SLC9B1: variants seen among roughly 807,000 people sequenced by gnomAD.
SLC9B1 encodes sodium/hydrogen exchanger 9B1.
A neutral mutation model predicts 51.7 loss-of-function variants in SLC9B1; 32 were observed. The ratio of observed to expected loss-of-function variants is 0.62; its 90% CI spans 0.47 to 0.83. The LOEUF is 0.83. Ranked by LOEUF, SLC9B1 falls within the 40% of genes least tolerant of loss-of-function variation. SLC9B1 has a pLI of 0.00. For synonymous variants in SLC9B1, 145 were observed against 212.7 expected, an observed-to-expected ratio of 0.68 and a Z score of 2.77; for missense variants, 406 against 613.2, an observed-to-expected ratio of 0.66 and a Z score of 3.57.
chr4:102,934,942 A>G (rs1159408514), intron 6 of SLC9B1, among the ~76,000 whole-genome samples: 2 of 152,204 alleles, frequency 1.3e-5, no homozygotes, highest in African/African-American at 4.8e-5. Context: ...CTACTTCAAA[A>G]GCAATTCTGC....
At position 102,948,628 on chromosome 4, in the gene SLC9B1, C is replaced by T. The variant is rs142803285; in HGVS notation, c.382+629G>A. The stretch of plus-strand genomic sequence containing the variant: ...TACATATACACCATGGAATGCTATG[C>T]ATTCATAAAAAAGAATGACATCATG... On this transcript the variant is annotated intron_variant, in intron 4 of 11. Transcript: ENST00000296422. Among the ~76,000 whole-genome samples, 405 of 152,192 alleles carry T rather than the reference C, an allele frequency of 2.7e-3. 2 individuals carry two copies. The highest frequency in any genetic ancestry group is 3.9e-3 in the Non-Finnish European group (266 of 68,010).
At chr4:102,945,061 G>T in intron 6 of SLC9B1, 132 bp downstream of exon 6, 1 of 1,067,500 alleles carries the variant, frequency 9.4e-7, no homozygotes, top group Non-Finnish European at 1.3e-6. Context: ...TTAATCAACT[G>T]CTTTCCAAGG....
At chr4:102,923,535 T>C (rs1376872722) in intron 7 of SLC9B1, among the ~76,000 whole-genome samples, 3 of 152,216 alleles carry the variant, frequency 2.0e-5, no homozygotes, top group African/African-American at 7.2e-5. Context: ...TCACTCCTAT[T>C]CAACATAGTC....
At chr4:102,896,314 G>A (rs1465256172), downstream of SLC9B1, among the ~76,000 whole-genome samples, 1 of 152,040 alleles carries the variant, frequency 6.6e-6, no homozygotes, top group East Asian at 1.9e-4. Flanking sequence ...CAAACCTGAC[G>A]AGATCATCCA....
At chr4:102,925,411 TGGGGAGGGAGGGGATAGCATTA>T (rs1317407042) in intron 7 of SLC9B1, among the ~76,000 whole-genome samples, 2 of 151,660 alleles carry the variant, frequency 1.3e-5, no homozygotes, top group Non-Finnish European at 2.9e-5. Flanking sequence ...TCATGGAGTG[TGGGGAGGGAGGGGATAGCATTA>T]GGAGATATAT....
rs377275822 is a variant in SLC9B1 at position 102,946,655 on chromosome 4, C to G, written c.517G>C (p.Asp173His). Residue 173 changes from aspartate to histidine, a missense_variant, in exon 5 of 12, where the codon GAT (aspartate) becomes CAT (histidine). Transcript: ENST00000296422. Reference protein sequence around the residue: ...IILIRAGLGLDPQALRHLKVV... With the variant: ...IILIRAGLGLHPQALRHLKVV... ...TGTAATTGTAAATCTACCTGTGGAT[C>G]GAGTCCAAGCCCAGCTCTTATTAGA... 2.0e-5 allele frequency: 32 copies of G among 1,604,804 alleles called. 1 individual carries two copies. In the South Asian group the frequency reaches 2.3e-4, roughly 11 times the overall value.
chr4:102,891,755 CTAAA>C (rs1353551544), intron 11 of SLC9B1: 1 of 152,082 alleles, frequency 6.6e-6, no homozygotes, highest in African/African-American at 2.4e-5. Flanking sequence ...TTGAGGAAAA[CTAAA>C]TAAAGCAGTA....
rs199987719 is a variant in SLC9B1, at chr4:102,957,782, ATG to A, written c.212-8357_212-8356del. On this transcript the variant is annotated intron_variant, in intron 3 of 11. Transcript: ENST00000296422. ...AGATTGTATGTGTGTATGTGTGTAT[ATG>A]TGTGTGTGTGTGTGTGTGTGTATTC... Among the ~76,000 whole-genome samples the A allele has an allele frequency of 5.6e-3, 815 of 146,570 alleles. 3 individuals are homozygous for A. The highest frequency in any genetic ancestry group is 0.016 in the African/African-American group (632 of 39,968).
intron 3 of SLC9B1, among the ~76,000 whole-genome samples, chr4:102,988,972 C>G (rs181004880): frequency 1.3e-5 from 2 of 152,000 alleles, no homozygotes; most frequent in Non-Finnish European, 2.9e-5. Context: ...TAGACCAAGT[C>G]ATGGGAACAT....
At chr4:102,939,821 C>T (rs1736904172) in intron 6 of SLC9B1, among the ~76,000 whole-genome samples, 1 of 151,964 alleles carries the variant, frequency 6.6e-6, no homozygotes, top group Admixed American at 6.6e-5. Flanking sequence ...ATGATATAGA[C>T]CCTCAACAAA....
Position 102,991,683 on chromosome 4 carries a change from T to C in SLC9B1, c.29A>G (p.His10Arg), listed in dbSNP as rs1335370649. Residue 10 changes from histidine (H) to arginine (R), a missense_variant, in exon 2 of 12, where the codon CAT becomes CGT. This residue lies in a region of SLC9B1 where 108 missense variants were observed against 94.5 expected (regional missense o/e 1.14). Coordinates refer to ENST00000296422, the MANE Select transcript of SLC9B1 (RefSeq NM_139173.4). MHTTESKNE[H>R]LEDENFQTST... Reference sequence around the variant, plus strand: ...TGTTTGGAAGTTTTCATCCTCCAAATGTTCATTTTTTGATTCTGTGGTATG... The same window carrying C: ...TGTTTGGAAGTTTTCATCCTCCAAACGTTCATTTTTTGATTCTGTGGTATG... The C allele has an allele frequency of 6.3e-7, 1 of 1,589,542 alleles. No homozygotes were observed. Among genetic ancestry groups the C allele is most frequent in the Middle Eastern group, 1.8e-4 (1 of 5,480 alleles).
chr4:102,930,316 A>T (rs1736385922), intron 7 of SLC9B1, among the ~76,000 whole-genome samples: 1 of 152,214 alleles, frequency 6.6e-6, no homozygotes. Flanking sequence ...ACACTCATAA[A>T]TGTAGATATC....
At chr4:102,894,080 A>C (rs1734415771) in intron 11 of SLC9B1, among the ~76,000 whole-genome samples, 1 of 152,222 alleles carries the variant, frequency 6.6e-6, no homozygotes, top group East Asian at 1.9e-4. Flanking sequence ...AAGTATATTA[A>C]CACAATTACA....
rs552264448 is a variant in SLC9B1, at chr4:102,910,165, T to A, written c.1086+274A>T. On this transcript the variant is annotated intron_variant, in intron 9 of 11. Transcript: ENST00000296422. Reference sequence around the variant, plus strand: ...ATTGTATAATTAAAATTTCAATGAATAAAATAATTAGATTGATAAAGGTAA... The same window carrying A: ...ATTGTATAATTAAAATTTCAATGAAAAAAATAATTAGATTGATAAAGGTAA... Among the ~76,000 whole-genome samples the A allele has an allele frequency of 1.4e-3, 219 of 152,200 alleles. 2 individuals carry two copies. The highest frequency in any genetic ancestry group is 5.2e-3 in the African/African-American group (215 of 41,530).
At chr4:102,927,724 G>T (rs1736258405) in intron 7 of SLC9B1, among the ~76,000 whole-genome samples, 1 of 152,040 alleles carries the variant, frequency 6.6e-6, no homozygotes, top group Non-Finnish European at 1.5e-5. Flanking sequence ...CCCATTACTG[G>T]GTATATACCC....
chr4:103,016,100 C>G (rs1293767512), intron 1 of SLC9B1, among the ~76,000 whole-genome samples: 8 of 113,620 alleles, frequency 7.0e-5, no homozygotes, highest in African/African-American at 2.9e-4. Flanking sequence ...CTCCATTGCA[C>G]TGTAGCCTGG....
intron 7 of SLC9B1, among the ~76,000 whole-genome samples, chr4:102,919,231 C>T: frequency 6.6e-6 from 1 of 152,220 alleles, no homozygotes; most frequent in Non-Finnish European, 1.5e-5. Flanking sequence ...TTGAATTTCT[C>T]CCCAGAAAAT....
At chr4:102,978,034 C>A (rs1489626952) in intron 3 of SLC9B1, among the ~76,000 whole-genome samples, 3 of 152,112 alleles carry the variant, frequency 2.0e-5, no homozygotes, top group African/African-American at 7.2e-5. Flanking sequence ...GTTCAATTCC[C>A]ATCTAAGAGT....
exon 12 of SLC9B1, chr4:102,885,317 A>G: frequency 6.2e-7 from 1 of 1,614,068 alleles, no homozygotes; most frequent in Non-Finnish European, 8.5e-7. Context: ...ACAGAAGGAT[A>G]GCTTGATTAA....
Sources: gnomAD v4.1 joint callset for allele counts (sites outside exome capture counted in the v4.1 genomes callset) on GRCh38, gnomAD v4.1.1 for gene constraint, gnomAD v4.1.1 regional missense constraint, MANE v1.5 for transcripts, NCBI Gene and HGNC (gene_info 2026-07-23, HGNC 2026-07-21) for gene names.